Variants in SLFN13 observed in about 807,000 individuals in gnomAD.
SLFN13 encodes schlafen family member 13.
Under a neutral mutation model 50.6 loss-of-function variants are expected in SLFN13, and 43 were observed. The ratio of observed to expected loss-of-function variants is 0.85; its 90% CI spans 0.67 to 1.09. The LOEUF (loss-of-function observed/expected upper bound fraction) is 1.09, where lower values mean the gene tolerates loss of function less well. SLFN13 is among the 50% of genes least tolerant of loss of function. The pLI, the probability that SLFN13 is intolerant of heterozygous loss-of-function variation, is 0.00. For missense variants in SLFN13, 881 were observed against 1,071.1 expected, an observed-to-expected ratio of 0.82 and a Z score of 2.48; for synonymous variants, 339 against 386.5, an observed-to-expected ratio of 0.88 and a Z score of 1.44.
At chr17:35,442,428 T>TTTTG (rs762124321) in intron 4 of SLFN13, 142 bp from the exon 5 acceptor site, 5 of 1,055,116 alleles carry the variant, frequency 4.7e-6, no homozygotes, top group Middle Eastern at 3.2e-4. Flanking sequence ...ATCTCTGGTT[T>TTTTG]TTTGTTTGTT....
At position 35,439,076 on chromosome 17, in the gene SLFN13, G is replaced by C. The variant is rs1179339491; in HGVS notation, c.*1519C>G. 6.6e-6 allele frequency: 1 copy of C among 151,572 alleles called. No homozygotes were observed. Among genetic ancestry groups the C allele is most frequent in the Non-Finnish European group, 1.5e-5 (1 of 67,950 alleles). The allele number at this position is 151,572 out of a possible 1,614,324, so 9.4% of individuals were successfully genotyped here. ...GGGTGGGGGGGGGGGTTCATTGTGA[G>C]GCTTCTCCTCTTGGCTTGTAGGTGG... On this transcript the variant is annotated 3_prime_UTR_variant, in exon 6 of 6. Transcript: ENST00000285013.
chr17:35,445,516 G>A lies in SLFN13; in HGVS notation c.165C>T (p.Asn55=). The A allele has an allele frequency of 6.2e-7, 1 of 1,614,154 alleles. No homozygotes were observed. The highest frequency in any genetic ancestry group is 8.5e-7 in the Non-Finnish European group (1 of 1,180,042). The change falls in exon 3 of 6, where the codon AAC becomes AAT. Residue 55 remains asparagine (N), a synonymous_variant. Transcript: ENST00000285013. ...RVIRAACALL[N]SGGGVIQMEM... is the part of the protein sequence containing the mutation. Reference sequence around the variant, plus strand: ...CCATCTGAATCACTCCTCCTCCTGAGTTTAATAAAGCACACGCGGCCCGTA... The same window carrying A: ...CCATCTGAATCACTCCTCCTCCTGAATTTAATAAAGCACACGCGGCCCGTA...
At position 35,438,461 on chromosome 17, in the gene SLFN13, C is replaced by A. The variant is rs576587759; in HGVS notation, c.*2134G>T. On this transcript the variant is annotated 3_prime_UTR_variant, in exon 6 of 6. Transcript: ENST00000285013. ...AATCATATAGAGAGATTCAACCAGTCAGAATTAGACTTTTAAAGAATTACT... is the reference window on the plus strand; with the variant it reads ...AATCATATAGAGAGATTCAACCAGTAAGAATTAGACTTTTAAAGAATTACT... 6.6e-6 allele frequency: 1 copy of A among 152,138 alleles called. No individual in the cohort carries two copies. The highest frequency in any genetic ancestry group is 2.4e-5 in the African/African-American group (1 of 41,532). The allele number at this position is 152,138 out of a possible 1,614,324, so 9.4% of individuals were successfully genotyped here. A position where few individuals can be genotyped will look rare whatever the true frequency, so the allele number is the denominator to read the frequency against.
At position 35,445,062 on chromosome 17, in the gene SLFN13, GAA is replaced by G; in HGVS notation, c.617_618del (p.Phe206SerfsTer2). On this transcript the variant is annotated frameshift_variant, in exon 3 of 6. Transcript: ENST00000285013. LOFTEE classifies it high-confidence loss of function. Reference protein sequence around the residue: ...DTIEYGEILSFPESPSIEFKQ... With the variant: ...DTIEYGEILSXPESPSIEFKQ... ...TTAAACTCTATGGATGGAGACTCAG[GAA>G]AAGATAGGATTTCACCATATTCAAT... is the stretch of plus-strand genomic sequence containing the variant. The G allele has an allele frequency of 6.2e-7, 1 of 1,614,022 alleles. No individual in the cohort carries two copies.
Position 35,436,587 on chromosome 17 carries a change from T to G in SLFN13, c.*4008A>C, listed in dbSNP as rs969653585. On this transcript the variant is annotated 3_prime_UTR_variant, in exon 6 of 6. Transcript: ENST00000285013. The stretch of plus-strand genomic sequence containing the variant: ...TTTATCCAAATGATCAGAGTTAACA[T>G]CATCAGGAATGGAACTAATCACTAT... The G allele has an allele frequency of 6.6e-5, 10 of 152,026 alleles. No homozygotes were observed. The highest frequency in any genetic ancestry group is 1.7e-4 in the African/African-American group (7 of 41,390). 9.4% of individuals were successfully genotyped at this position (152,026 alleles called of 1,614,324 possible).
In SLFN13 at chr17:35,442,192, C is replaced by T. The variant is rs77814846; in HGVS notation, c.1293G>A (p.Met431Ile). ...TCACAATTCCCTGGGAGAAAGGTCG[C>T]ATTTGCTTGTGTATTAACTCCTTTA... ...EGLKELIHKQ[M>I]RPFSQGIVIL... The change falls in exon 5 of 6, where the codon ATG (methionine) becomes ATA (isoleucine). Residue 431 changes from methionine to isoleucine, a missense_variant. Physicochemically the swap from Met to Ile is conservative, Grantham distance 10. This residue lies in a region of SLFN13 where 497 missense variants were observed against 518.3 expected (regional missense o/e 0.96). Transcript: ENST00000285013. 4,037 of 1,614,168 alleles carry T rather than the reference C, an allele frequency of 2.5e-3. 79 individuals carry two copies. The African/African-American group carries it at 0.046, about 18-fold the overall frequency.
rs1350361312 is a variant in SLFN13, at chr17:35,439,104, G to T, written c.*1491C>A. 6.6e-6 allele frequency: 1 copy of T among 151,988 alleles called. No homozygotes were observed. Among genetic ancestry groups the T allele is most frequent in the African/African-American group, 2.4e-5 (1 of 41,398 alleles). The allele number at this position is 151,988 out of a possible 1,614,324, so 9.4% of individuals were successfully genotyped here. On this transcript the variant is annotated 3_prime_UTR_variant, in exon 6 of 6. Coordinates refer to ENST00000285013, the MANE Select transcript of SLFN13 (RefSeq NM_144682.6). ...TTCTCCTCTTGGCTTGTAGGTGGCT[G>T]CCATCTCTCTGTGTGCTCCCATGCC...
Position 35,444,768 on chromosome 17 carries a change from T to A in SLFN13, c.913A>T (p.Lys305Ter). ...STKIVEVFCG[K>*]ELYGYLCVIK... ...ACACAGAGATAGCCATACAACTCTTTCCCACAAAACACTTCTACGATTTTG... is the reference window on the plus strand; with the variant it reads ...ACACAGAGATAGCCATACAACTCTTACCCACAAAACACTTCTACGATTTTG... Residue 305 changes from lysine to a stop codon, truncating the protein, a stop_gained, in exon 3 of 6, where the codon AAA (lysine) becomes TAA (stop). Transcript: ENST00000285013. LOFTEE classifies it high-confidence loss of function. 6.2e-7 allele frequency: 1 copy of A among 1,614,102 alleles called. No individual in the cohort carries two copies. The highest frequency in any genetic ancestry group is 2.2e-5 in the East Asian group (1 of 44,890).
In SLFN13 at chr17:35,440,402, C is replaced by A; in HGVS notation, c.*193G>T. 1.5e-6 allele frequency: 1 copy of A among 666,626 alleles called. No individual in the cohort carries two copies. The highest frequency in any genetic ancestry group is 2.0e-5 in the South Asian group (1 of 49,870). 41.3% of individuals were successfully genotyped at this position (666,626 alleles called of 1,614,324 possible). ...GGGTCAGAATGGGGGGCAGCCACCACTGCTGAAAAGAGTTGGGGGAGGAAC... is the reference window on the plus strand; with the variant it reads ...GGGTCAGAATGGGGGGCAGCCACCAATGCTGAAAAGAGTTGGGGGAGGAAC... On this transcript the variant is annotated 3_prime_UTR_variant, in exon 6 of 6. Coordinates refer to ENST00000285013, the MANE Select transcript of SLFN13 (RefSeq NM_144682.6).
At chr17:35,443,680 T>C in intron 4 of SLFN13, 109 bp downstream of exon 4, 1 of 1,193,842 alleles carries the variant, frequency 8.4e-7, no homozygotes, top group South Asian at 1.7e-5. Context: ...TGTGGCATTG[T>C]CACTGTGTAC....
In SLFN13 at chr17:35,438,522, T is replaced by C. The variant is rs1267906721; in HGVS notation, c.*2073A>G. On this transcript the variant is annotated 3_prime_UTR_variant, in exon 6 of 6. Transcript: ENST00000285013. ...GAAATAACTCCAAAGACCAGGGAGT[T>C]TACTAAGAACATTTACAAAGATAGC... 1 of 152,122 alleles carries C rather than the reference T, an allele frequency of 6.6e-6. No homozygotes were observed. Among genetic ancestry groups the C allele is most frequent in the South Asian group, 2.1e-4 (1 of 4,826 alleles). The allele number at this position is 152,122 out of a possible 1,614,324, so 9.4% of individuals were successfully genotyped here. A position where few individuals can be genotyped will look rare whatever the true frequency, so the allele number is the denominator to read the frequency against.
At chr17:35,443,418 T>C (rs969580384) in intron 4 of SLFN13, among the ~76,000 whole-genome samples, 1 of 152,234 alleles carries the variant, frequency 6.6e-6, no homozygotes, top group African/African-American at 2.4e-5. Context: ...AGTTATTCCA[T>C]TGTTCCCCTT....
chr17:35,444,637 C>T lies in SLFN13; in HGVS notation c.1044G>A (p.Glu348=). 6.2e-6 allele frequency: 10 copies of T among 1,614,080 alleles called. No individual in the cohort carries two copies. Among genetic ancestry groups the T allele is most frequent in the Non-Finnish European group, 7.6e-6 (9 of 1,179,956 alleles). ...IRPLTTEEWV[E]KMMDADPEFP... ...TACCTGGATCTGCGTCCATCATTTT[C>T]TCTACCCATTCCTCAGTTGTCAAGG... The change falls in exon 3 of 6, where the codon GAG becomes GAA. Residue 348 remains glutamate, a synonymous_variant. Transcript: ENST00000285013.
In SLFN13 at chr17:35,445,398, A is replaced by C. The variant is rs143303173; in HGVS notation, c.283T>G (p.Phe95Val). 1.2e-6 allele frequency: 2 copies of C among 1,614,078 alleles called. No individual in the cohort carries two copies. The highest frequency in any genetic ancestry group is 1.7e-6 in the Non-Finnish European group (2 of 1,180,044). Residue 95 changes from phenylalanine (F) to valine (V), a missense_variant, in exon 3 of 6, where the codon TTC (phenylalanine) becomes GTC (valine). Around this residue, in one of 5 missense-constraint regions of SLFN13, gnomAD observed 497 missense variants for 518.3 expected, o/e 0.96. Transcript: ENST00000285013. ...CTTCCGTGTTGCTTAGTCTCAAAGA[A>C]AGCCTGCAAATATGGATACTGAATA... The part of the protein sequence containing the change: ...KLIQYPYLQA[F>V]FETKQHGRCF...
rs1309809265 is a variant in SLFN13 at position 35,437,548 on chromosome 17, C to T, written c.*3047G>A. 2.0e-5 allele frequency: 3 copies of T among 152,118 alleles called. No homozygotes were observed. The highest frequency in any genetic ancestry group is 2.1e-4 in the South Asian group (1 of 4,828). 9.4% of individuals were successfully genotyped at this position (152,118 alleles called of 1,614,324 possible). ...TTAATTCGTGAAACAAAAGATGTGA[C>T]CGCTTTCCATGCTTGAGATTCAGAG... On this transcript the variant is annotated 3_prime_UTR_variant, in exon 6 of 6. Coordinates refer to ENST00000285013, the MANE Select transcript of SLFN13 (RefSeq NM_144682.6).
At chr17:35,447,784 C>T (rs1439491210) in intron 1 of SLFN13, among the ~76,000 whole-genome samples, 2 of 152,198 alleles carry the variant, frequency 1.3e-5, no homozygotes, top group African/African-American at 4.8e-5. Context: ...GGGAGGGAGA[C>T]ATTTTTCTCA....
chr17:35,440,623 G>A lies in SLFN13; in HGVS notation c.2666C>T (p.Ala889Val), dbSNP rs1179388514. 1.2e-6 allele frequency: 2 copies of A among 1,614,142 alleles called. No individual in the cohort carries two copies. Among genetic ancestry groups the A allele is most frequent in the East Asian group, 2.2e-5 (1 of 44,888 alleles). ...PNILICLASRAKQHLYIFL is the reference protein window; with the variant it reads ...PNILICLASRVKQHLYIFL ...CAGAAAAATATATAGGTGCTGTTTT[G>A]CCCTGGAAGCCAGACAGATCAGAAT... The change falls in exon 6 of 6, where the codon GCA becomes GTA. Residue 889 changes from alanine to valine, a missense_variant. Ala to Val is a moderately conservative substitution (Grantham distance 64, BLOSUM62 0). Coordinates refer to ENST00000285013, the MANE Select transcript of SLFN13 (RefSeq NM_144682.6).
In SLFN13 at chr17:35,442,225, A is replaced by G; in HGVS notation, c.1260T>C (p.His420=). ...TGTGTATTAACTCCTTTAGTCCTTC[A>G]TGCTGTAAAGACAGCTCCTTCCAGA... ...ESLWKELSLQ[H]EGLKELIHKQ... is the part of the protein sequence containing the mutation. The change falls in exon 5 of 6, where the codon CAT becomes CAC. Residue 420 remains histidine (H), a synonymous_variant. Coordinates refer to ENST00000285013, the MANE Select transcript of SLFN13 (RefSeq NM_144682.6). 1 of 1,613,308 alleles carries G rather than the reference A, an allele frequency of 6.2e-7. No individual in the cohort carries two copies. The highest frequency in any genetic ancestry group is 8.5e-7 in the Non-Finnish European group (1 of 1,179,464).
chr17:35,445,019 T>G lies in SLFN13; in HGVS notation c.662A>C (p.His221Pro). ...TATATTTTCTACATATTGTTGGATA[T>G]GTTTTGTAGAGAACTGTTTAAACTC... The part of the protein sequence containing the change: ...SIEFKQFSTK[H>P]IQQYVENIIP... Residue 221 changes from histidine to proline, a missense_variant, in exon 3 of 6, where the codon CAT becomes CCT. His to Pro is a moderately conservative substitution (Grantham distance 77). Coordinates refer to ENST00000285013, the MANE Select transcript of SLFN13 (RefSeq NM_144682.6). 6.2e-7 allele frequency: 1 copy of G among 1,614,176 alleles called. No individual in the cohort carries two copies. Among genetic ancestry groups the G allele is most frequent in the Non-Finnish European group, 8.5e-7 (1 of 1,180,034 alleles).
Sources: allele counts gnomAD v4.1 joint callset (sites outside exome capture counted in the v4.1 genomes callset), GRCh38; gene constraint gnomAD v4.1.1; regional missense constraint gnomAD v4.1.1; transcripts MANE v1.5; gene names NCBI Gene and HGNC (gene_info 2026-07-23, HGNC 2026-07-21).